Variants in SLC22A12 observed in about 807,000 individuals in gnomAD.
SLC22A12 encodes the protein organic anion transporter 4-like protein.
SLC22A12 carries 56 observed loss-of-function variants against 52.7 expected under a neutral mutation model. The ratio of observed to expected loss-of-function variants is 1.06; its 90% CI spans 0.86 to 1.33. The LOEUF (loss-of-function observed/expected upper bound fraction) is 1.33, where lower values mean the gene tolerates loss of function less well. Ranked by LOEUF, SLC22A12 falls within the 40% of genes most tolerant of loss-of-function variation. The pLI, the probability that SLC22A12 is intolerant of heterozygous loss-of-function variation, is 0.00. For missense variants in SLC22A12, 683 were observed against 741.5 expected (o/e 0.92, Z 0.92); for synonymous variants, 337 against 324.6 (o/e 1.04, Z -0.41).
At chr11:64,596,962 C>T (rs2039266697) in intron 4 of SLC22A12, among the ~76,000 whole-genome samples, 1 of 152,176 alleles carries the variant, frequency 6.6e-6, no homozygotes, top group Non-Finnish European at 1.5e-5. Context: ...AACTACTGAG[C>T]ACCTACCATG....
Position 64,600,793 on chromosome 11 carries a change from C to G in SLC22A12, c.1453C>G (p.Leu485Val), listed in dbSNP as rs752399949. 2.3e-5 allele frequency: 37 copies of G among 1,605,914 alleles called. No homozygotes were observed. Among genetic ancestry groups the G allele is most frequent in the Non-Finnish European group, 3.0e-5 (35 of 1,179,948 alleles). The change falls in exon 9 of 10, where the codon CTG (leucine) becomes GTG (valine). Residue 485 changes from leucine (L) to valine (V), a missense_variant. Coordinates refer to ENST00000377574, the MANE Select transcript of SLC22A12 (RefSeq NM_144585.4). ...AARGGAILGPLVRLLGVHGPW... is the reference protein window; with the variant it reads ...AARGGAILGPVVRLLGVHGPW... Reference sequence around the variant, plus strand: ...CCGTGGAGGAGCCATCCTGGGGCCTCTGGTCCGGCTGCTGGGTGTCCATGG... The same window carrying G: ...CCGTGGAGGAGCCATCCTGGGGCCTGTGGTCCGGCTGCTGGGTGTCCATGG...
In SLC22A12 at chr11:64,591,719, G is replaced by A; in HGVS notation, c.163G>A (p.Asp55Asn). The change falls in exon 1 of 10, where the codon GAC becomes AAC. Residue 55 changes from aspartate to asparagine, a missense_variant. Transcript: ENST00000377574. ...CCACCGCTGCTGGGCACCCCTCCTGGACAACAGCACGGCTCAGGCCAGCAT... is the reference window on the plus strand; with the variant it reads ...CCACCGCTGCTGGGCACCCCTCCTGAACAACAGCACGGCTCAGGCCAGCAT... The part of the protein sequence containing the change: ...PSHRCWAPLL[D>N]NSTAQASILG... The A allele has an allele frequency of 1.2e-6, 2 of 1,612,586 alleles. No homozygotes were observed. Among genetic ancestry groups the A allele is most frequent in the Non-Finnish European group, 1.7e-6 (2 of 1,180,024 alleles).
intron 6 of SLC22A12, among the ~76,000 whole-genome samples, chr11:64,599,274 G>A (rs992782799): frequency 6.6e-6 from 1 of 152,132 alleles, no homozygotes; most frequent in Non-Finnish European, 1.5e-5. Context: ...GGGCTTATCA[G>A]AGCCCAGGAC....
At position 64,598,632 on chromosome 11, in the gene SLC22A12, C is replaced by A. The variant is rs1352186754; in HGVS notation, c.947C>A (p.Thr316Asn). ...NGKGAVQDTL[T>N]PEVLLSAMRE... ...AAGGGGGCAGTGCAGGACACCCTGA[C>A]CCCTGAGGTAAGGCTGGGTCCTCCT... The change falls in exon 5 of 10, where the codon ACC (threonine) becomes AAC (asparagine). Residue 316 changes from threonine to asparagine, a missense_variant. Coordinates refer to ENST00000377574, the MANE Select transcript of SLC22A12 (RefSeq NM_144585.4). 3 of 1,610,572 alleles carry A rather than the reference C, an allele frequency of 1.9e-6. No individual in the cohort carries two copies. The highest frequency in any genetic ancestry group is 2.2e-5 in the South Asian group (2 of 90,436).
rs2039345997 is a variant in SLC22A12, at chr11:64,598,936, C to T, written c.1070+13C>T. 6.2e-7 allele frequency: 1 copy of T among 1,612,044 alleles called. No homozygotes were observed. On this transcript the variant is annotated intron_variant, in intron 6 of 9. Coordinates refer to ENST00000377574, the MANE Select transcript of SLC22A12 (RefSeq NM_144585.4). The stretch of plus-strand genomic sequence containing the variant: ...CCACGTTGTGCTGGTAGATGCCCTT[C>T]CCCCAACCCCACCTCCACAGGGGAA...
chr11:64,593,584 CA>C lies in SLC22A12; in HGVS notation c.661+26del, dbSNP rs1051556707. On this transcript the variant is annotated intron_variant, in intron 3 of 9. Coordinates refer to ENST00000377574, the MANE Select transcript of SLC22A12 (RefSeq NM_144585.4). Reference sequence around the variant, plus strand: ...CGTAGGTCTCTGACCTGGCGCCATGCAGGGGGGCTCCATGCAGGCTCCAGGG... The same window carrying C: ...CGTAGGTCTCTGACCTGGCGCCATGCGGGGGGCTCCATGCAGGCTCCAGGG... The C allele has an allele frequency of 3.7e-6, 6 of 1,614,014 alleles. No individual in the cohort carries two copies. In the African/African-American group the frequency reaches 8.0e-5, roughly 22 times the overall value.
intron 4 of SLC22A12, among the ~76,000 whole-genome samples, chr11:64,595,136 GTTGA>G (rs372048027): frequency 0.024 from 1,678 of 71,018 alleles, 1 homozygote; most frequent in Non-Finnish European, 0.042. Flanking sequence ...TGGATGGATG[GTTGA>G]ATGGATGGTT....
rs541290046 is a variant in SLC22A12, at chr11:64,594,234, C to T, written c.830+431C>T. ...AACACATGCCCGCACACACAGCGCACAGCCGCAGTCTGCTTCATGGGCTGA... is the reference window on the plus strand; with the variant it reads ...AACACATGCCCGCACACACAGCGCATAGCCGCAGTCTGCTTCATGGGCTGA... On this transcript the variant is annotated intron_variant, in intron 4 of 9. Transcript: ENST00000377574. Among the ~76,000 whole-genome samples, 18 of 152,366 alleles carry T rather than the reference C, an allele frequency of 1.2e-4. No homozygotes were observed. The South Asian group carries it at 3.3e-3, about 28-fold the overall frequency.
At chr11:64,598,787 C>A (rs1466380022) in intron 5 of SLC22A12, 21 bp from the exon 6 acceptor site, 2 of 1,611,702 alleles carry the variant, frequency 1.2e-6, no homozygotes, top group Non-Finnish European at 1.7e-6. Context: ...GTGCCAACAG[C>A]ACCCACCCCC....
chr11:64,600,911 C>T lies in SLC22A12; in HGVS notation c.1571C>T (p.Pro524Leu). Residue 524 changes from proline to leucine, a missense_variant, in exon 9 of 10, where the codon CCC becomes CTC. Coordinates refer to ENST00000377574, the MANE Select transcript of SLC22A12 (RefSeq NM_144585.4). ...CCCGAGACCCAGAGCTTGCCGCTGC[C>T]CGACACCATCCAAGATGTGCAGAAC... ...LLPETQSLPL[P>L]DTIQDVQNQA... 1 of 1,609,388 alleles carries T rather than the reference C, an allele frequency of 6.2e-7. No individual in the cohort carries two copies. The highest frequency in any genetic ancestry group is 8.5e-7 in the Non-Finnish European group (1 of 1,179,980).
At position 64,599,714 on chromosome 11, in the gene SLC22A12, A is replaced by G; in HGVS notation, c.1109A>G (p.Asp370Gly). The G allele has an allele frequency of 2.5e-6, 4 of 1,593,660 alleles. No homozygotes were observed. The highest frequency in any genetic ancestry group is 3.4e-6 in the Non-Finnish European group (4 of 1,168,536). ...FGFTFFGLALDLQALGSNIFL... is the reference protein window; with the variant it reads ...FGFTFFGLALGLQALGSNIFL... ...TTCACCTTCTTCGGCCTGGCCCTGG[A>G]CCTGCAGGCCCTGGGCAGCAACATC... The change falls in exon 7 of 10, where the codon GAC (aspartate) becomes GGC (glycine). Residue 370 changes from aspartate to glycine, a missense_variant. Physicochemically the swap from Asp to Gly is moderately conservative, Grantham distance 94. Transcript: ENST00000377574.
chr11:64,591,601 G>A lies in SLC22A12; in HGVS notation c.45G>A (p.Arg15=), dbSNP rs1345204870. ...ELLDLVGGLG[R]FQVLQTMALM... Reference sequence around the variant, plus strand: ...TGGACCTCGTGGGTGGCCTGGGCAGGTTCCAGGTTCTCCAGACGATGGCTC... The same window carrying A: ...TGGACCTCGTGGGTGGCCTGGGCAGATTCCAGGTTCTCCAGACGATGGCTC... The change falls in exon 1 of 10, where the codon AGG becomes AGA. Residue 15 remains arginine (R), a synonymous_variant. Coordinates refer to ENST00000377574, the MANE Select transcript of SLC22A12 (RefSeq NM_144585.4). The A allele has an allele frequency of 1.9e-6, 3 of 1,613,144 alleles. No homozygotes were observed. The highest frequency in any genetic ancestry group is 1.7e-5 in the Admixed American group (1 of 60,028).
rs1290615552 is a variant in SLC22A12 at position 64,591,295 on chromosome 11, T to C, written c.-262T>C. Reference sequence around the variant, plus strand: ...GCTTTCCCGGGAGGTCTGGAGCAGCTGCCTCTCTGGGGAGATGCTGGAGGT... The same window carrying C: ...GCTTTCCCGGGAGGTCTGGAGCAGCCGCCTCTCTGGGGAGATGCTGGAGGT... On this transcript the variant is annotated 5_prime_UTR_variant, in exon 1 of 10. Transcript: ENST00000377574. 1.9e-6 allele frequency: 1 copy of C among 535,470 alleles called. No individual in the cohort carries two copies. Among genetic ancestry groups the C allele is most frequent in the South Asian group, 2.6e-5 (1 of 38,464 alleles). 33.2% of individuals were successfully genotyped at this position (535,470 alleles called of 1,614,324 possible).
intron 4 of SLC22A12, among the ~76,000 whole-genome samples, 157 bp downstream of exon 4, chr11:64,593,960 C>A (rs2039005711): frequency 6.6e-6 from 1 of 152,160 alleles, no homozygotes. Flanking sequence ...GTGTACCACC[C>A]ACAAACCCAA....
intron 4 of SLC22A12, among the ~76,000 whole-genome samples, chr11:64,596,718 CAA>C (rs1286602547): frequency 6.6e-6 from 1 of 152,182 alleles, no homozygotes; most frequent in African/African-American, 2.4e-5. Flanking sequence ...AGTGGCTCCA[CAA>C]GGAGGCAATC....
intron 4 of SLC22A12, among the ~76,000 whole-genome samples, chr11:64,597,000 G>A (rs888287029): frequency 2.6e-4 from 40 of 152,182 alleles, no homozygotes; most frequent in Admixed American, 2.5e-3. Context: ...CACCAGCTAT[G>A]AGCAGATATG....
chr11:64,592,062 C>T lies in SLC22A12; in HGVS notation c.402+104C>T, dbSNP rs138240789. The T allele has an allele frequency of 1.1e-4, 164 of 1,507,512 alleles. No individual in the cohort carries two copies. The African/African-American group carries it at 2.0e-3, about 18-fold the overall frequency. The allele number at this position is 1,507,512 out of a possible 1,614,324, so 93.4% of individuals were successfully genotyped here. A position where few individuals can be genotyped will look rare whatever the true frequency, so the allele number is the denominator to read the frequency against. ...TCCAGTCCTGGGAGGGACCCACCTC[C>T]CCAGGCCCCACTCACTCTCGAGCCT... On this transcript the variant is annotated intron_variant, in intron 1 of 9. Coordinates refer to ENST00000377574, the MANE Select transcript of SLC22A12 (RefSeq NM_144585.4).
intron 4 of SLC22A12, among the ~76,000 whole-genome samples, chr11:64,597,998 CG>C (rs1249432078): frequency 2.0e-5 from 3 of 152,094 alleles, no homozygotes; most frequent in East Asian, 1.9e-4. Context: ...GCCTGAGCCC[CG>C]GGGTGGCTGT....
rs1474346990 is a variant in SLC22A12, at chr11:64,591,973, A to G, written c.402+15A>G. 1 of 1,608,132 alleles carries G rather than the reference A, an allele frequency of 6.2e-7. No individual in the cohort carries two copies. The highest frequency in any genetic ancestry group is 1.7e-5 in the Admixed American group (1 of 59,952). ...TCGTGGCCAAGGTAGGGCCTCCCCC[A>G]GAGCCACTCGAGTCCCACCACCTTG... is the stretch of plus-strand genomic sequence containing the variant. On this transcript the variant is annotated intron_variant, in intron 1 of 9. Coordinates refer to ENST00000377574, the MANE Select transcript of SLC22A12 (RefSeq NM_144585.4).
Sources: gnomAD v4.1 joint callset for allele counts (sites outside exome capture counted in the v4.1 genomes callset) on GRCh38, gnomAD v4.1.1 for gene constraint, MANE v1.5 for transcripts, NCBI Gene and HGNC (gene_info 2026-07-23, HGNC 2026-07-21) for gene names.